Variants in CTIF observed in about 807,000 individuals in gnomAD.
CTIF encodes cap binding complex dependent translation initiation factor.
CTIF carries 21 observed loss-of-function variants against 66.0 expected under a neutral mutation model. The observed-to-expected ratio is 0.32, with a 90% confidence interval of 0.23 to 0.46. CTIF has a LOEUF of 0.46. CTIF is among the 20% of genes least tolerant of loss of function. CTIF has a pLI of 1.00. For synonymous variants in CTIF, 345 were observed against 326.4 expected (o/e 1.06, Z -0.62); for missense variants, 739 against 812.7 (o/e 0.91, Z 1.10).
At chr18:48,834,735 G>T (rs2068772059) in intron 10 of CTIF, 1 of 152,732 alleles carries the variant, frequency 6.5e-6, no homozygotes, top group Admixed American at 6.5e-5. Flanking sequence ...GTCTCAGGAT[G>T]CAGAGCTGGG....
intron 10 of CTIF, among the ~76,000 whole-genome samples, chr18:48,851,768 C>T (rs1445325583): frequency 6.6e-6 from 1 of 152,186 alleles, no homozygotes; most frequent in African/African-American, 2.4e-5. Flanking sequence ...CTCCCGGGTT[C>T]TGCCTCTTCC....
chr18:48,585,838 G>A (rs906101131), intron 1 of CTIF, among the ~76,000 whole-genome samples: 2 of 152,142 alleles, frequency 1.3e-5, no homozygotes, highest in African/African-American at 2.4e-5. Context: ...CACTGAGCAC[G>A]CCTGCTACTC....
At chr18:48,632,789 G>A (rs909254421) in intron 2 of CTIF, among the ~76,000 whole-genome samples, 8 of 151,956 alleles carry the variant, frequency 5.3e-5, no homozygotes, top group Non-Finnish European at 1.2e-4. Context: ...CAGCCGTGCC[G>A]TCCCCACCCC....
intron 3 of CTIF, among the ~76,000 whole-genome samples, chr18:48,660,909 A>G (rs747852260): frequency 7.2e-5 from 11 of 152,206 alleles, no homozygotes; most frequent in South Asian, 6.2e-4. Context: ...CTCTCTTTCT[A>G]TCTCTCCATC....
At chr18:48,664,384 G>T (rs963336016) in intron 4 of CTIF, 63 bp from the exon 5 acceptor site, 34 of 1,429,540 alleles carry the variant, frequency 2.4e-5, no homozygotes, top group African/African-American at 8.4e-5. Context: ...TGGCCCCCTG[G>T]TTCCGTCAGT....
At chr18:48,701,844 C>G (rs1163119956) in intron 6 of CTIF, among the ~76,000 whole-genome samples, 1 of 152,216 alleles carries the variant, frequency 6.6e-6, no homozygotes, top group African/African-American at 2.4e-5. Context: ...GGGGCCATGT[C>G]TGCTTTCCAT....
chr18:48,655,476 A>G (rs1047496717), intron 3 of CTIF, among the ~76,000 whole-genome samples: 4 of 152,080 alleles, frequency 2.6e-5, no homozygotes, highest in Non-Finnish European at 5.9e-5. Context: ...AAGTGAGAGA[A>G]CCGTATTAGG....
At chr18:48,821,750 CT>C (rs2068487479) in intron 10 of CTIF, among the ~76,000 whole-genome samples, 1 of 152,264 alleles carries the variant, frequency 6.6e-6, no homozygotes, top group Non-Finnish European at 1.5e-5. Flanking sequence ...TCTCCTTGCT[CT>C]GCTATTTACA....
chr18:48,746,736 GC>G (rs2092599903), intron 7 of CTIF, among the ~76,000 whole-genome samples: 2 of 151,988 alleles, frequency 1.3e-5, no homozygotes, highest in South Asian at 4.2e-4. Context: ...GCCAAGTCCA[GC>G]CCCCTGGCCC....
intron 6 of CTIF, among the ~76,000 whole-genome samples, chr18:48,675,319 A>G (rs914313891): frequency 4.6e-5 from 7 of 152,120 alleles, no homozygotes; most frequent in African/African-American, 1.2e-4. Flanking sequence ...GCCCAGGCCC[A>G]TCATTAACAG....
Position 48,761,206 on chromosome 18 carries a change from C to A in CTIF, c.1072-184C>A. 1 of 593,444 alleles carries A rather than the reference C, an allele frequency of 1.7e-6. No homozygotes were observed. The highest frequency in any genetic ancestry group is 2.8e-5 in the East Asian group (1 of 35,770). The allele number at this position is 593,444 out of a possible 1,614,324, so 36.8% of individuals were successfully genotyped here. A position where few individuals can be genotyped will look rare whatever the true frequency, so the allele number is the denominator to read the frequency against. ...ATGTCATAGGGGCCAAGAAAAAAGGCAACAAGGAGCTTTTGGCGCATGAGG... is the reference window on the plus strand; with the variant it reads ...ATGTCATAGGGGCCAAGAAAAAAGGAAACAAGGAGCTTTTGGCGCATGAGG... On this transcript the variant is annotated intron_variant, in intron 8 of 11. Coordinates refer to ENST00000256413, the MANE Select transcript of CTIF (RefSeq NM_014772.3). The surrounding 1 kb of genome is among the most constrained non-coding windows in gnomAD (Gnocchi z 4.2).
intron 2 of CTIF, among the ~76,000 whole-genome samples, chr18:48,620,568 G>A (rs1249848898): frequency 1.3e-5 from 2 of 152,166 alleles, no homozygotes; most frequent in Non-Finnish European, 2.9e-5. Flanking sequence ...CTGGCAAATG[G>A]GAATTATGCT....
chr18:48,606,228 C>A (rs1328775118), intron 1 of CTIF, among the ~76,000 whole-genome samples: 1 of 152,218 alleles, frequency 6.6e-6, no homozygotes, highest in Non-Finnish European at 1.5e-5. Flanking sequence ...AGAGCTCCTA[C>A]CCTATCTCAG....
Position 48,784,932 on chromosome 18 carries a change from C to A in CTIF, c.1371+23243C>A, listed in dbSNP as rs1911571947. 2.6e-5 allele frequency among the ~76,000 whole-genome samples: 4 copies of A among 152,218 alleles called. No individual in the cohort carries two copies. In the South Asian group the frequency reaches 8.3e-4, roughly 32 times the overall value. ...TGTCATCCACACTCCCAGGAATGGC[C>A]ACATTAGACATCTTCCCCCTAGTTC... On this transcript the variant is annotated intron_variant, in intron 9 of 11. Coordinates refer to ENST00000256413, the MANE Select transcript of CTIF (RefSeq NM_014772.3).
At chr18:48,848,716 G>C (rs2069132990) in intron 10 of CTIF, among the ~76,000 whole-genome samples, 1 of 152,236 alleles carries the variant, frequency 6.6e-6, no homozygotes, top group African/African-American at 2.4e-5. Flanking sequence ...TGGGCAGCCT[G>C]CCTGTGCCCG....
chr18:48,570,497 C>A (rs73956921), intron 1 of CTIF, among the ~76,000 whole-genome samples: 2 of 152,246 alleles, frequency 1.3e-5, no homozygotes, highest in East Asian at 3.9e-4. Flanking sequence ...CCTGGCGTGA[C>A]GCACAGGCTA....
At chr18:48,829,946 C>T (rs930359927) in intron 10 of CTIF, among the ~76,000 whole-genome samples, 1 of 152,208 alleles carries the variant, frequency 6.6e-6, no homozygotes, top group Non-Finnish European at 1.5e-5. Flanking sequence ...CAGGCTCCAG[C>T]TCCTTCTTGA....
intron 1 of CTIF, among the ~76,000 whole-genome samples, chr18:48,579,053 T>TTTG (rs139982352): frequency 0.049 from 7,389 of 152,230 alleles, 249 homozygotes; most frequent in South Asian, 0.13. Flanking sequence ...GCTTCATTGT[T>TTTG]TTGTTTCATT....
chr18:48,726,820 T>C (rs1232335258), intron 7 of CTIF, among the ~76,000 whole-genome samples: 2 of 151,998 alleles, frequency 1.3e-5, no homozygotes, highest in Non-Finnish European at 2.9e-5. Context: ...AAAGTGGGGA[T>C]CACTGGGGAC....
Sources: allele counts gnomAD v4.1 joint callset (sites outside exome capture counted in the v4.1 genomes callset), GRCh38; gene constraint gnomAD v4.1.1; non-coding constraint Gnocchi (gnomAD v3.1); transcripts MANE v1.5; gene names NCBI Gene and HGNC (gene_info 2026-07-23, HGNC 2026-07-21).